DUSP8: variants seen among roughly 807,000 people sequenced by gnomAD.
DUSP8 encodes the protein dual specificity protein phosphatase 8.
In DUSP8, 15 loss-of-function variants were observed where a neutral mutation model predicts 38.7. The observed-to-expected ratio is 0.39, with a 90% CI of 0.26 to 0.60. The LOEUF (loss-of-function observed/expected upper bound fraction) is 0.60, where lower values mean the gene tolerates loss of function less well. Among genes scored for constraint, DUSP8 ranks in the 20% least tolerant of loss-of-function variants. The pLI is 0.56. For synonymous variants in DUSP8, 458 were observed against 433.9 expected, an observed-to-expected ratio of 1.06 and a Z score of -0.69; for missense variants, 768 against 915.0, an observed-to-expected ratio of 0.84 and a Z score of 2.07.
At chr11:1,564,690 G>T (rs1848774923) in intron 2 of DUSP8, among the ~76,000 whole-genome samples, 2 of 152,246 alleles carry the variant, frequency 1.3e-5, no homozygotes, top group Non-Finnish European at 2.9e-5. Context: ...TGGGCTGGGT[G>T]ACGTCACCGG....
In DUSP8 at chr11:1,555,446, G is replaced by C; in HGVS notation, c.*1072C>G. The C allele has an allele frequency of 1.0e-6, 1 of 985,880 alleles. No homozygotes were observed. Among genetic ancestry groups the C allele is most frequent in the Non-Finnish European group, 1.2e-6 (1 of 829,788 alleles). The allele number at this position is 985,880 out of a possible 1,614,324, so 61.1% of individuals were successfully genotyped here. A position where few individuals can be genotyped will look rare whatever the true frequency, so the allele number is the denominator to read the frequency against. On this transcript the variant is annotated 3_prime_UTR_variant, in exon 7 of 7. Coordinates refer to ENST00000397374, the MANE Select transcript of DUSP8 (RefSeq NM_004420.3). Reference sequence around the variant, plus strand: ...GCTCACAGAGCCCCTCAGCCTGCAGGTGCACACCTGAATTCCAAGTTCTGC... The same window carrying C: ...GCTCACAGAGCCCCTCAGCCTGCAGCTGCACACCTGAATTCCAAGTTCTGC...
intron 1 of DUSP8, among the ~76,000 whole-genome samples, chr11:1,570,306 C>T (rs1023050628): frequency 2.0e-5 from 3 of 152,168 alleles, no homozygotes; most frequent in Non-Finnish European, 4.4e-5. Context: ...GGTTCACTGC[C>T]CTGAGCAACT....
chr11:1,568,587 G>A (rs1466553384), intron 1 of DUSP8, among the ~76,000 whole-genome samples: 1 of 152,190 alleles, frequency 6.6e-6, no homozygotes, highest in Non-Finnish European at 1.5e-5. Context: ...CCATGGAGCA[G>A]GCTCCTCTGC....
At chr11:1,572,433 G>GC (rs1033866725), upstream of DUSP8, among the ~76,000 whole-genome samples, 55 of 150,104 alleles carry the variant, frequency 3.7e-4, no homozygotes, top group Non-Finnish European at 6.7e-4. The surrounding 1 kb of genome is among the most constrained non-coding windows in gnomAD (Gnocchi z 4.7). Context: ...CTGCCGCGGG[G>GC]GGGGGGCGGG....
upstream of DUSP8, chr11:1,572,689 C>G (rs1021121131): frequency 1.3e-5 from 2 of 152,186 alleles, no homozygotes; most frequent in Admixed American, 6.5e-5. This position sits in a 1 kb window ranked among gnomAD's most constrained non-coding sequence, Gnocchi z 4.7. Context: ...GCGCCGCTCC[C>G]CCCTTCTCCT....
rs1382958009 is a variant in DUSP8, at chr11:1,554,661, C to T, written c.*1857G>A. On this transcript the variant is annotated 3_prime_UTR_variant, in exon 7 of 7. Coordinates refer to ENST00000397374, the MANE Select transcript of DUSP8 (RefSeq NM_004420.3). ...GGGGGAAGGGAGAAGGGGGCCCAACCAGTGGCCCCAGACCACTGTCTCCCG... is the reference window on the plus strand; with the variant it reads ...GGGGGAAGGGAGAAGGGGGCCCAACTAGTGGCCCCAGACCACTGTCTCCCG... 2 of 985,704 alleles carry T rather than the reference C, an allele frequency of 2.0e-6. No individual in the cohort carries two copies. Among genetic ancestry groups the T allele is most frequent in the African/African-American group, 3.5e-5 (2 of 57,256 alleles). The allele number at this position is 985,704 out of a possible 1,614,324, so 61.1% of individuals were successfully genotyped here. A position where few individuals can be genotyped will look rare whatever the true frequency, so the allele number is the denominator to read the frequency against.
intron 3 of DUSP8, 32 bp downstream of exon 3, chr11:1,563,819 G>T: frequency 1.9e-5 from 27 of 1,448,938 alleles, no homozygotes; most frequent in Non-Finnish European, 2.4e-5. Flanking sequence ...GGCGGAGCAA[G>T]TGCCTCGGGG....
chr11:1,565,324 G>A (rs754519433), intron 2 of DUSP8, among the ~76,000 whole-genome samples: 1 of 152,200 alleles, frequency 6.6e-6, no homozygotes, highest in Non-Finnish European at 1.5e-5. Context: ...GGGAGGGCCC[G>A]GCACCTCTGT....
In DUSP8 at chr11:1,558,350, T is replaced by G; in HGVS notation, c.538-79A>C. 2.4e-6 allele frequency: 3 copies of G among 1,247,690 alleles called. No individual in the cohort carries two copies. Among genetic ancestry groups the G allele is most frequent in the Non-Finnish European group, 3.4e-6 (3 of 892,076 alleles). 77.3% of individuals were successfully genotyped at this position (1,247,690 alleles called of 1,614,324 possible). ...GTGAAGGTGGAGGCTTTTCCTGCCCTGCCGTCAGGAGGGCCTTTAGAATCC... is the reference window on the plus strand; with the variant it reads ...GTGAAGGTGGAGGCTTTTCCTGCCCGGCCGTCAGGAGGGCCTTTAGAATCC... On this transcript the variant is annotated intron_variant, in intron 4 of 6. Coordinates refer to ENST00000397374, the MANE Select transcript of DUSP8 (RefSeq NM_004420.3). This position sits in a 1 kb window ranked among gnomAD's most constrained non-coding sequence, Gnocchi z 6.3.
chr11:1,560,412 G>T (rs1848698622), intron 3 of DUSP8, among the ~76,000 whole-genome samples: 1 of 152,130 alleles, frequency 6.6e-6, no homozygotes, highest in Admixed American at 6.5e-5. Flanking sequence ...AGCCACCCTG[G>T]ATAACTCCTG....
upstream of DUSP8, among the ~76,000 whole-genome samples, chr11:1,572,583 C>A (rs1024657961): frequency 5.9e-5 from 9 of 151,500 alleles, no homozygotes; most frequent in African/African-American, 1.9e-4. The surrounding 1 kb of genome is among the most constrained non-coding windows in gnomAD (Gnocchi z 4.7). Context: ...CCAGGCCCCC[C>A]GTCACCCGGG....
chr11:1,563,754 C>A, intron 3 of DUSP8, 97 bp downstream of exon 3: 1 of 1,295,156 alleles, frequency 7.7e-7, no homozygotes, highest in South Asian at 1.6e-5. Flanking sequence ...GGAGATCCCC[C>A]CGTGCCCAGC....
rs768257298 is a variant in DUSP8, at chr11:1,557,301, C to T, written c.1095G>A (p.Pro365=). Residue 365 remains proline (P), a synonymous_variant, in exon 7 of 7, where the codon CCG becomes CCA. Transcript: ENST00000397374. This position sits in a 1 kb window ranked among gnomAD's most constrained non-coding sequence, Gnocchi z 9.9. ...GGEPPAPPTP[P]ATSALQQGLR... ...GGCCCTGCTGCAGTGCGCTGGTCGC[C>T]GGGGGCGTGGGGGGCGCGGGGGGCT... 13 of 1,469,646 alleles carry T rather than the reference C, an allele frequency of 8.8e-6. No homozygotes were observed. The highest frequency in any genetic ancestry group is 2.7e-5 in the South Asian group (2 of 75,424). The allele number at this position is 1,469,646 out of a possible 1,614,324, so 91.0% of individuals were successfully genotyped here. A position where few individuals can be genotyped will look rare whatever the true frequency, so the allele number is the denominator to read the frequency against.
chr11:1,557,773 C>T lies in DUSP8; in HGVS notation c.821+21G>A, dbSNP rs200008161. The T allele has an allele frequency of 1.2e-5, 19 of 1,611,946 alleles. 1 individual carries two copies. Among genetic ancestry groups the T allele is most frequent in the South Asian group, 7.7e-5 (7 of 90,970 alleles). On this transcript the variant is annotated intron_variant, in intron 6 of 6. Transcript: ENST00000397374. The surrounding 1 kb of genome is among the most constrained non-coding windows in gnomAD (Gnocchi z 9.9). Reference sequence around the variant, plus strand: ...GAAGCGACGCTGTGAGCCACAAGTGCGCGACTGGGGAAGGTGGTACCTGTA... The same window carrying T: ...GAAGCGACGCTGTGAGCCACAAGTGTGCGACTGGGGAAGGTGGTACCTGTA...
chr11:1,554,381 GC>G lies in DUSP8; in HGVS notation c.*2136del, dbSNP rs1156509525. 1 of 148,404 alleles carries G rather than the reference GC, an allele frequency of 6.7e-6. No individual in the cohort carries two copies. Among genetic ancestry groups the G allele is most frequent in the Non-Finnish European group, 1.5e-5 (1 of 68,138 alleles). The allele number at this position is 148,404 out of a possible 1,614,324, so 9.2% of individuals were successfully genotyped here. A position where few individuals can be genotyped will look rare whatever the true frequency, so the allele number is the denominator to read the frequency against. On this transcript the variant is annotated 3_prime_UTR_variant, in exon 7 of 7. Coordinates refer to ENST00000397374, the MANE Select transcript of DUSP8 (RefSeq NM_004420.3). ...GTGGGGCCCTGGCCCGCCTCCCGCA[GC>G]ACTGGAGGAGGCAGTGGCCAGGTGG...
Position 1,555,382 on chromosome 11 carries a change from G to A in DUSP8, c.*1136C>T, listed in dbSNP as rs1848605953. ...GCAGGCCTATCCCAGCAGCACAGGGGCTTGGCTGGCGCCTGAACTCCCTGT... is the reference window on the plus strand; with the variant it reads ...GCAGGCCTATCCCAGCAGCACAGGGACTTGGCTGGCGCCTGAACTCCCTGT... On this transcript the variant is annotated 3_prime_UTR_variant, in exon 7 of 7. Transcript: ENST00000397374. 1.0e-6 allele frequency: 1 copy of A among 987,318 alleles called. No individual in the cohort carries two copies. Among genetic ancestry groups the A allele is most frequent in the Non-Finnish European group, 1.2e-6 (1 of 830,136 alleles). The allele number at this position is 987,318 out of a possible 1,614,324, so 61.2% of individuals were successfully genotyped here. A position where few individuals can be genotyped will look rare whatever the true frequency, so the allele number is the denominator to read the frequency against.
chr11:1,566,692 C>A (rs1469953631), intron 1 of DUSP8, among the ~76,000 whole-genome samples: 1 of 152,212 alleles, frequency 6.6e-6, no homozygotes, highest in African/African-American at 2.4e-5. Context: ...TGCCTCTCCC[C>A]TAGCGGAGCC....
upstream of DUSP8, among the ~76,000 whole-genome samples, chr11:1,572,435 G>T (rs1292914287): frequency 2.0e-5 from 3 of 149,990 alleles, no homozygotes; most frequent in African/African-American, 4.9e-5. The surrounding 1 kb of genome is among the most constrained non-coding windows in gnomAD (Gnocchi z 4.7). Context: ...GCCGCGGGGG[G>T]GGGGCGGGGT....
intron 3 of DUSP8, among the ~76,000 whole-genome samples, chr11:1,562,815 T>G (rs1008118405): frequency 5.3e-5 from 8 of 152,130 alleles, no homozygotes; most frequent in Admixed American, 2.6e-4. Context: ...CACCCAGCAG[T>G]GCAGGGTGCT....
Sources: gnomAD v4.1 joint callset for allele counts (sites outside exome capture counted in the v4.1 genomes callset) on GRCh38, gnomAD v4.1.1 for gene constraint, Gnocchi (gnomAD v3.1) non-coding constraint, MANE v1.5 for transcripts, NCBI Gene and HGNC (gene_info 2026-07-23, HGNC 2026-07-21) for gene names.